The following TTC12 variants were observed in gnomAD, a reference collection of about 807,000 sequenced individuals.
TTC12 encodes tetratricopeptide repeat protein 12.
In TTC12, 70 loss-of-function variants were observed where a neutral mutation model predicts 90.1. The observed-to-expected ratio is 0.78, with a 90% CI of 0.64 to 0.95. The LOEUF (loss-of-function observed/expected upper bound fraction) is 0.95, where lower values mean the gene tolerates loss of function less well. Among genes scored for constraint, TTC12 ranks in the 40% least tolerant of loss-of-function variants. TTC12 has a pLI of 0.00. For missense variants in TTC12, 819 were observed against 846.1 expected (o/e 0.97, Z 0.40); for synonymous variants, 296 against 311.5 (o/e 0.95, Z 0.53).
downstream of TTC12, chr11:113,371,314 C>T (rs767031248): frequency 6.6e-6 from 1 of 152,118 alleles, no homozygotes. Context: ...GCTTATAATA[C>T]CTAACACAAT....
chr11:113,367,244 C>T (rs1305344780), downstream of TTC12, among the ~76,000 whole-genome samples: 3 of 152,126 alleles, frequency 2.0e-5, no homozygotes, highest in Non-Finnish European at 4.4e-5. Flanking sequence ...AGTCCCAGAC[C>T]AAAGTTCCAA....
chr11:113,323,950 T>G (rs1219018953), intron 3 of TTC12, 44 bp from the exon 4 acceptor site: 13 of 1,562,946 alleles, frequency 8.3e-6, no homozygotes, highest in Non-Finnish European at 1.1e-5. Context: ...TAGAGTGGTT[T>G]TTGAAATTTG....
chr11:113,318,631 A>G (rs1947104594), intron 2 of TTC12, among the ~76,000 whole-genome samples: 1 of 152,246 alleles, frequency 6.6e-6, no homozygotes, highest in Non-Finnish European at 1.5e-5. Context: ...AATTTAGTCC[A>G]TAACAGAAAT....
At chr11:113,350,275 G>C in intron 14 of TTC12, 110 bp downstream of exon 14, 1 of 816,200 alleles carries the variant, frequency 1.2e-6, no homozygotes, top group Non-Finnish European at 2.0e-6. Context: ...CTCCAAGTGA[G>C]TATTGCAAGA....
At chr11:113,330,645 C>T (rs1948003302) in intron 7 of TTC12, among the ~76,000 whole-genome samples, 2 of 152,150 alleles carry the variant, frequency 1.3e-5, no homozygotes, top group African/African-American at 4.8e-5. Flanking sequence ...AGTACTCTGT[C>T]ACGGGGGTTT....
chr11:113,323,207 C>A, intron 2 of TTC12, 81 bp from the exon 3 acceptor site: 3 of 1,112,616 alleles, frequency 2.7e-6, no homozygotes, highest in Non-Finnish European at 2.4e-6. Flanking sequence ...CTTTCCCATG[C>A]ATTTTATGCA....
At position 113,316,054 on chromosome 11, in the gene TTC12, G is replaced by A. The variant is rs2236709; in HGVS notation, c.-15-189G>A. The A allele has an allele frequency of 0.72, 277,651 of 385,256 alleles. 101,441 individuals carry two copies. The highest frequency in any genetic ancestry group is 0.77 in the South Asian group (5,332 of 6,912). The allele number at this position is 385,256 out of a possible 1,614,324, so 23.9% of individuals were successfully genotyped here. On this transcript the variant is annotated intron_variant, in intron 1 of 21. Coordinates refer to ENST00000529221, the MANE Select transcript of TTC12 (RefSeq NM_017868.4). ...AAGCTTTCTGGAAGCATTGCCGCACGTAAATGAGTGCCTCTTGGCCTAAAA... is the reference window on the plus strand; with the variant it reads ...AAGCTTTCTGGAAGCATTGCCGCACATAAATGAGTGCCTCTTGGCCTAAAA...
chr11:113,320,866 C>T (rs987994529), intron 2 of TTC12, among the ~76,000 whole-genome samples: 3 of 152,154 alleles, frequency 2.0e-5, no homozygotes, highest in Admixed American at 6.5e-5. Context: ...CGAGGGGGAT[C>T]AGAGAACTCC....
intron 21 of TTC12, chr11:113,373,043 G>A (rs1352393944): frequency 3.5e-5 from 7 of 202,016 alleles, no homozygotes; most frequent in African/African-American, 4.7e-5. Flanking sequence ...TAATAAAAAT[G>A]ATAGGTATCT....
rs782266765 is a variant in TTC12 at position 113,323,452 on chromosome 11, G to T, written c.222+1G>T. 1.3e-6 allele frequency: 2 copies of T among 1,561,140 alleles called. No homozygotes were observed. Among genetic ancestry groups the T allele is most frequent in the East Asian group, 2.3e-5 (1 of 43,538 alleles). On this transcript the variant is annotated splice_donor_variant, in intron 3 of 21. Coordinates refer to ENST00000529221, the MANE Select transcript of TTC12 (RefSeq NM_017868.4). LOFTEE classifies it high-confidence loss of function. ...CAGTCCTCCACAAACTGCTATGAAG[G>T]TTTCTTTTTCTATTGAGAAGTTATA...
At chr11:113,322,413 G>T (rs1008013391) in intron 2 of TTC12, among the ~76,000 whole-genome samples, 1 of 152,202 alleles carries the variant, frequency 6.6e-6, no homozygotes, top group Admixed American at 6.5e-5. Flanking sequence ...AGAAGAATGG[G>T]CACCTTTTCC....
At position 113,342,315 on chromosome 11, in the gene TTC12, C is replaced by T. The variant is rs1303026063; in HGVS notation, c.985+390C>T. On this transcript the variant is annotated intron_variant, in intron 12 of 21. Coordinates refer to ENST00000529221, the MANE Select transcript of TTC12 (RefSeq NM_017868.4). ...GATTTACAGTCATCCCTGCCAATATCTTCAGACACTGATTAGCATCTAGTA... is the reference window on the plus strand; with the variant it reads ...GATTTACAGTCATCCCTGCCAATATTTTCAGACACTGATTAGCATCTAGTA... Among the ~76,000 whole-genome samples the T allele has an allele frequency of 3.9e-5, 6 of 152,284 alleles. No individual in the cohort carries two copies. The East Asian group carries it at 1.2e-3, about 29-fold the overall frequency.
At position 113,356,672 on chromosome 11, in the gene TTC12, C is replaced by T. The variant is rs1354096025; in HGVS notation, c.1447-2691C>T. ...ATTTCCTCACCATTTGCTTATTTCT[C>T]CTTTACTTATGAAGTTTAATTTGGC... On this transcript the variant is annotated intron_variant, in intron 16 of 21. Transcript: ENST00000529221. Among the ~76,000 whole-genome samples, 3 of 151,980 alleles carry T rather than the reference C, an allele frequency of 2.0e-5. No homozygotes were observed. In the East Asian group the frequency reaches 5.8e-4, roughly 29 times the overall value.
chr11:113,341,965 T>C (rs1555146320), intron 12 of TTC12, 40 bp downstream of exon 12: 1 of 1,514,336 alleles, frequency 6.6e-7, no homozygotes, highest in Non-Finnish European at 9.2e-7. Context: ...ATTAATGCGC[T>C]GCGTGCAGGA....
chr11:113,360,566 C>T (rs924543303), intron 18 of TTC12, among the ~76,000 whole-genome samples: 3 of 152,176 alleles, frequency 2.0e-5, no homozygotes, highest in Non-Finnish European at 4.4e-5. Context: ...TATATGTTAG[C>T]ACAGTGCATC....
downstream of TTC12, chr11:113,368,581 C>G (rs2138097503): frequency 1.6e-6 from 2 of 1,257,462 alleles, no homozygotes; most frequent in Non-Finnish European, 2.3e-6. Flanking sequence ...TGGCAGGTAA[C>G]AGACAGTCCA....
chr11:113,356,604 G>A (rs149778363), intron 16 of TTC12, among the ~76,000 whole-genome samples: 55 of 152,280 alleles, frequency 3.6e-4, no homozygotes, highest in African/African-American at 1.3e-3. Flanking sequence ...CATATTTAGT[G>A]CTTTCTTCAG....
intron 16 of TTC12, 78 bp downstream of exon 16, chr11:113,352,285 C>G: frequency 6.3e-7 from 1 of 1,594,758 alleles, no homozygotes; most frequent in Non-Finnish European, 8.5e-7. Context: ...TCTGACTTTT[C>G]CAAAAATTCT....
At chr11:113,344,166 C>A in intron 12 of TTC12, 106 bp from the exon 13 acceptor site, 3 of 1,277,998 alleles carry the variant, frequency 2.3e-6, no homozygotes, top group South Asian at 2.8e-5. Flanking sequence ...ATTCTGCCTT[C>A]AAATGAGTGG....
Sources: gnomAD v4.1 joint callset for allele counts (sites outside exome capture counted in the v4.1 genomes callset) on GRCh38, gnomAD v4.1.1 for gene constraint, MANE v1.5 for transcripts, NCBI Gene and HGNC (gene_info 2026-07-23, HGNC 2026-07-21) for gene names.